TTLL8: variants seen among roughly 807,000 people sequenced by gnomAD.
TTLL8 encodes the protein tubulin tyrosine ligase like 8, also known as protein monoglycylase TTLL8.
TTLL8 carries 65 observed loss-of-function variants against 77.8 expected under a neutral mutation model. The ratio of observed to expected loss-of-function variants is 0.84; its 90% CI spans 0.68 to 1.03. The LOEUF is 1.03. Among genes scored for constraint, TTLL8 ranks in the 50% least tolerant of loss-of-function variants. TTLL8 has a pLI of 0.00. For missense variants in TTLL8, 910 were observed against 1,004.5 expected, an observed-to-expected ratio of 0.91 and a Z score of 1.27; for synonymous variants, 402 against 422.8, an observed-to-expected ratio of 0.95 and a Z score of 0.60.
chr22:50,030,600 G>A, exon 12 of TTLL8: 7 of 1,297,238 alleles, frequency 5.4e-6, no homozygotes, highest in Non-Finnish European at 6.1e-6. Flanking sequence ...GGGGCAGGCC[G>A]GGAGCTCCAC....
intron 12 of TTLL8, among the ~76,000 whole-genome samples, chr22:50,027,232 T>C (rs563395384): frequency 1.6e-5 from 2 of 121,770 alleles, no homozygotes; most frequent in South Asian, 2.5e-4. Flanking sequence ...CGGGACTCCG[T>C]CTCAAAAAAA....
rs183677310 is a variant in TTLL8, at chr22:50,044,187, G to T, written c.643+1068C>A. Among the ~76,000 whole-genome samples the T allele has an allele frequency of 7.9e-5, 12 of 152,074 alleles. No homozygotes were observed. Among genetic ancestry groups the T allele is most frequent in the African/African-American group, 2.4e-4 (10 of 41,404 alleles). ...TAAAAATACAAAACATTAGCCGGGC[G>T]TGGTGGTGGGCACCCAACTACTCGG... On this transcript the variant is annotated intron_variant, in intron 6 of 13. Coordinates refer to ENST00000266182, the Ensembl canonical transcript of TTLL8. This position sits in a 1 kb window ranked among gnomAD's most constrained non-coding sequence, Gnocchi z 4.2.
At chr22:50,052,075 G>C (rs2061446985) in intron 1 of TTLL8, among the ~76,000 whole-genome samples, 1 of 152,110 alleles carries the variant, frequency 6.6e-6, no homozygotes, top group South Asian at 2.1e-4. Context: ...CCCCGAGTCT[G>C]AGTCCCAGCA....
At chr22:50,029,742 A>G (rs971113587) in intron 12 of TTLL8, among the ~76,000 whole-genome samples, 2 of 151,554 alleles carry the variant, frequency 1.3e-5, no homozygotes, top group African/African-American at 4.8e-5. Context: ...AAAAAACAAA[A>G]AAAACAAGAC....
At chr22:50,038,108 G>T (rs1253085828) in intron 8 of TTLL8, among the ~76,000 whole-genome samples, 1 of 152,076 alleles carries the variant, frequency 6.6e-6, no homozygotes, top group African/African-American at 2.4e-5. Context: ...TTTATTTCTA[G>T]AGGTTTGTTG....
intron 12 of TTLL8, among the ~76,000 whole-genome samples, chr22:50,024,863 C>T (rs532867756): frequency 1.5e-4 from 23 of 152,280 alleles, no homozygotes; most frequent in South Asian, 6.2e-4. Flanking sequence ...TTCAGCAGCT[C>T]GCAGATAAAA....
At chr22:50,054,850 G>T (rs527368125), upstream of TTLL8, among the ~76,000 whole-genome samples, 7 of 152,318 alleles carry the variant, frequency 4.6e-5, no homozygotes, top group Admixed American at 3.9e-4. Flanking sequence ...CTGAGGTCAG[G>T]AGTTCGAGAC....
In TTLL8 at chr22:50,033,253, TC is replaced by T. The variant is rs761744612; in HGVS notation, c.1231del (p.Glu411ArgfsTer31). The T allele has an allele frequency of 5.1e-6, 7 of 1,359,676 alleles. No homozygotes were observed. The African/African-American group carries it at 5.9e-5, about 11-fold the overall frequency. 84.2% of individuals were successfully genotyped at this position (1,359,676 alleles called of 1,614,324 possible). A position where few individuals can be genotyped will look rare whatever the true frequency, so the allele number is the denominator to read the frequency against. ...CTGAGTTGAGAACCGCAAGTAACTC[TC>T]CTTGTAGAACCAGATGGTCAGGGGG... is the stretch of plus-strand genomic sequence containing the variant. On this transcript the variant is annotated frameshift_variant, in exon 10 of 14. Transcript: ENST00000266182. LOFTEE classifies it high-confidence loss of function.
chr22:50,019,580 G>A (rs1054933384), intron 12 of TTLL8, among the ~76,000 whole-genome samples: 4 of 152,092 alleles, frequency 2.6e-5, no homozygotes, highest in Non-Finnish European at 5.9e-5. Flanking sequence ...TCAGCCCTGT[G>A]GAAGGTCCAC....
intron 12 of TTLL8, among the ~76,000 whole-genome samples, chr22:50,020,514 T>C (rs2061188654): frequency 2.0e-5 from 3 of 146,440 alleles, no homozygotes. Context: ...TCTGACAACA[T>C]GCACTCCTCC....
At chr22:50,031,610 C>T (rs947829376) in intron 11 of TTLL8, 76 bp downstream of exon 12, 6 of 1,206,132 alleles carry the variant, frequency 5.0e-6, no homozygotes, top group East Asian at 5.8e-5. Flanking sequence ...CAGCTCCACC[C>T]TCGCCCAGTG....
At chr22:50,050,341 C>A in intron 1 of TTLL8, 94 bp from the exon 4 acceptor site, 1 of 906,012 alleles carries the variant, frequency 1.1e-6, no homozygotes, top group Non-Finnish European at 1.5e-6. Context: ...GTGCTGGTTT[C>A]TGAGATTTGG....
Position 50,034,555 on chromosome 22 carries a change from G to A in TTLL8, c.922-93C>T, listed in dbSNP as rs775396835. 7.2e-6 allele frequency: 9 copies of A among 1,242,032 alleles called. No individual in the cohort carries two copies. Among genetic ancestry groups the A allele is most frequent in the South Asian group, 1.3e-5 (1 of 78,666 alleles). 76.9% of individuals were successfully genotyped at this position (1,242,032 alleles called of 1,614,324 possible). A position where few individuals can be genotyped will look rare whatever the true frequency, so the allele number is the denominator to read the frequency against. ...CATGAGACTTGGAGGCCTGGGCCCC[G>A]CCTCACCCACCAAGCAGGCGCTCGG... is the stretch of plus-strand genomic sequence containing the variant. On this transcript the variant is annotated intron_variant, in intron 8 of 13. Transcript: ENST00000266182. The surrounding 1 kb of genome is among the most constrained non-coding windows in gnomAD (Gnocchi z 4.1).
chr22:50,057,466 A>G (rs116288202), upstream of TTLL8, among the ~76,000 whole-genome samples: 34 of 5,784 alleles, frequency 5.9e-3, no homozygotes, highest in East Asian at 0.017. Context: ...GGGTTGGGGG[A>G]TCAGGTCTGG....
Position 50,044,519 on chromosome 22 carries a change from CCT to C in TTLL8, c.643+734_643+735del, listed in dbSNP as rs1471537356. On this transcript the variant is annotated intron_variant, in intron 6 of 13. Coordinates refer to ENST00000266182, the Ensembl canonical transcript of TTLL8. The surrounding 1 kb of genome is among the most constrained non-coding windows in gnomAD (Gnocchi z 4.2). ...AGCGTTCACCAATCAGGATTTATTT[CCT>C]CTGTTTCCACGTTTACCTAGAAGGG... 3.3e-5 allele frequency among the ~76,000 whole-genome samples: 5 copies of C among 152,334 alleles called. No individual in the cohort carries two copies. Among genetic ancestry groups the C allele is most frequent in the East Asian group, 1.9e-4 (1 of 5,184 alleles).
At position 50,034,698 on chromosome 22, in the gene TTLL8, C is replaced by T. The variant is rs1225653218; in HGVS notation, c.922-236G>A. The stretch of plus-strand genomic sequence containing the variant: ...CCTGTGAGGCTGCTCCAGACGAGGG[C>T]TGTGTTAAGACAGTGGGGACCCCGG... On this transcript the variant is annotated intron_variant, in intron 8 of 13. Coordinates refer to ENST00000266182, the Ensembl canonical transcript of TTLL8. The surrounding 1 kb of genome is among the most constrained non-coding windows in gnomAD (Gnocchi z 4.1). Among the ~76,000 whole-genome samples the T allele has an allele frequency of 1.3e-5, 2 of 151,946 alleles. No homozygotes were observed. The highest frequency in any genetic ancestry group is 2.9e-5 in the Non-Finnish European group (2 of 68,008).
At chr22:50,026,733 T>C (rs1395226355) in intron 12 of TTLL8, among the ~76,000 whole-genome samples, 1 of 152,204 alleles carries the variant, frequency 6.6e-6, no homozygotes, top group Non-Finnish European at 1.5e-5. Flanking sequence ...TTACGGTCTG[T>C]CCTCACTGTA....
At chr22:50,046,411 A>G (rs759271998) in intron 4 of TTLL8, among the ~76,000 whole-genome samples, 9 of 152,218 alleles carry the variant, frequency 5.9e-5, no homozygotes, top group Non-Finnish European at 1.3e-4. Flanking sequence ...AGCACGCGCC[A>G]TTAGAGAGGC....
chr22:50,050,000 C>T (rs956755106), intron 2 of TTLL8, 109 bp downstream of exon 4: 29 of 1,229,690 alleles, frequency 2.4e-5, no homozygotes, highest in East Asian at 1.6e-4. Flanking sequence ...TACCCCATCA[C>T]GCACACCAGG....
Sources: allele counts gnomAD v4.1 joint callset (sites outside exome capture counted in the v4.1 genomes callset), GRCh38; gene constraint gnomAD v4.1.1; non-coding constraint Gnocchi (gnomAD v3.1); transcripts MANE v1.5; gene names NCBI Gene and HGNC (gene_info 2026-07-23, HGNC 2026-07-21).